The following ATRN variants were observed in gnomAD, a reference collection of about 807,000 sequenced individuals.
ATRN encodes attractin-2.
Under a neutral mutation model 178.7 loss-of-function variants are expected in ATRN, and 54 were observed. The ratio of observed to expected loss-of-function variants is 0.30; its 90% CI spans 0.24 to 0.38. The LOEUF is 0.38. ATRN is among the 10% of genes least tolerant of loss of function. ATRN has a pLI of 1.00. For synonymous variants in ATRN, 636 were observed against 663.0 expected, an observed-to-expected ratio of 0.96 and a Z score of 0.63; for missense variants, 1,443 against 1,815.1, an observed-to-expected ratio of 0.79 and a Z score of 3.73.
chr20:3,623,347 G>A (rs967525674), intron 24 of ATRN, among the ~76,000 whole-genome samples: 2 of 152,162 alleles, frequency 1.3e-5, no homozygotes, highest in African/African-American at 4.8e-5. Flanking sequence ...GATTATAAAT[G>A]GTAGCCAGAG....
At chr20:3,627,969 G>A (rs1222905927) in intron 25 of ATRN, among the ~76,000 whole-genome samples, 6 of 152,110 alleles carry the variant, frequency 3.9e-5, no homozygotes, top group East Asian at 1.9e-4. Flanking sequence ...TCAGGAGATC[G>A]AGACCATCCT....
At chr20:3,601,098 A>T (rs2086601827) in intron 23 of ATRN, 74 bp downstream of exon 23, 2 of 1,387,554 alleles carry the variant, frequency 1.4e-6, no homozygotes, top group Admixed American at 3.6e-5. Context: ...GGAATTGAGA[A>T]AGCGAGCTCA....
intron 1 of ATRN, among the ~76,000 whole-genome samples, chr20:3,476,577 G>C (rs1407391410): frequency 2.0e-5 from 3 of 152,228 alleles, no homozygotes; most frequent in Non-Finnish European, 4.4e-5. Flanking sequence ...GAAAATTCTT[G>C]CCTGGGCGCA....
At chr20:3,533,390 A>T (rs1198345213) in intron 1 of ATRN, among the ~76,000 whole-genome samples, 1 of 152,174 alleles carries the variant, frequency 6.6e-6, no homozygotes, top group Admixed American at 6.5e-5. Context: ...TGGGTACATG[A>T]TCATCTGGGA....
intron 24 of ATRN, among the ~76,000 whole-genome samples, chr20:3,610,931 A>G (rs1290336060): frequency 9.2e-5 from 14 of 151,984 alleles, no homozygotes; most frequent in Admixed American, 9.2e-4. Flanking sequence ...TGCAAAGGCA[A>G]TTCAATGAAG....
intron 23 of ATRN, among the ~76,000 whole-genome samples, chr20:3,601,668 G>A (rs942520227): frequency 4.3e-5 from 6 of 139,796 alleles, no homozygotes; most frequent in African/African-American, 1.6e-4. Flanking sequence ...TTTAAGACCA[G>A]CCTGGGCAAC....
chr20:3,599,395 G>C (rs1352357978), intron 22 of ATRN, among the ~76,000 whole-genome samples: 1 of 152,158 alleles, frequency 6.6e-6, no homozygotes, highest in East Asian at 1.9e-4. Context: ...AAGCAACCAT[G>C]AAAGTATTTG....
intron 2 of ATRN, among the ~76,000 whole-genome samples, chr20:3,539,883 A>G (rs2085594281): frequency 6.6e-6 from 1 of 152,138 alleles, no homozygotes; most frequent in African/African-American, 2.4e-5. Flanking sequence ...ATTGGCAGGC[A>G]TGTTTATGAA....
At chr20:3,618,900 A>G (rs1406716478) in intron 24 of ATRN, among the ~76,000 whole-genome samples, 1 of 152,198 alleles carries the variant, frequency 6.6e-6, no homozygotes, top group Non-Finnish European at 1.5e-5. Context: ...AGCCAAACTC[A>G]AGGAGGTGAC....
chr20:3,620,254 T>C (rs2146311623), intron 24 of ATRN, among the ~76,000 whole-genome samples: 1 of 151,584 alleles, frequency 6.6e-6, no homozygotes, highest in South Asian at 2.1e-4. Flanking sequence ...TGTTTTGTTT[T>C]GTTTTGTTTT....
chr20:3,592,608 A>G (rs945103282), intron 19 of ATRN: 3 of 501,690 alleles, frequency 6.0e-6, no homozygotes, highest in Non-Finnish European at 7.5e-6. Context: ...AGGAAAAGTA[A>G]ACAACATAGG....
In ATRN at chr20:3,582,292, C is replaced by A. The variant is rs1268953293; in HGVS notation, c.2702C>A (p.Thr901Asn). 3 of 1,612,762 alleles carry A rather than the reference C, an allele frequency of 1.9e-6. No homozygotes were observed. The South Asian group carries it at 3.3e-5, about 18-fold the overall frequency. ...GFCGILSEPS[T>N]RGLKAATCIN... ...TGTGGAATTTTATCAGAACCCAGTA[C>A]TCGGGGACTGAAGGCTGCAACCTGC... The change falls in exon 16 of 29, where the codon ACT (threonine) becomes AAT (asparagine). Residue 901 changes from threonine (T) to asparagine (N), a missense_variant. Thr to Asn is a moderately conservative substitution (Grantham distance 65). This residue lies in a region of ATRN where 212 missense variants were observed against 330.7 expected (regional missense o/e 0.64). Transcript: ENST00000262919.
At chr20:3,492,873 A>ACT (rs2084820847) in intron 1 of ATRN, among the ~76,000 whole-genome samples, 1 of 121,790 alleles carries the variant, frequency 8.2e-6, no homozygotes, top group Admixed American at 8.0e-5. Flanking sequence ...GCGCGTGCGC[A>ACT]CGCACACACA....
chr20:3,508,716 A>G (rs567693154), intron 1 of ATRN, among the ~76,000 whole-genome samples: 2 of 152,336 alleles, frequency 1.3e-5, no homozygotes, highest in South Asian at 4.1e-4. Flanking sequence ...AGTGGAAAGA[A>G]TAAAGTGTGG....
At chr20:3,642,302 C>T (rs1234017072) in intron 27 of ATRN, among the ~76,000 whole-genome samples, 1 of 152,218 alleles carries the variant, frequency 6.6e-6, no homozygotes, top group Non-Finnish European at 1.5e-5. Flanking sequence ...CTCAGTGTCC[C>T]CACTTGGATA....
Position 3,471,083 on chromosome 20 carries a change from G to T in ATRN, c.-25G>T, listed in dbSNP as rs1365006204. On this transcript the variant is annotated 5_prime_UTR_variant, in exon 1 of 29. Transcript: ENST00000262919. ...GTGCGGTGTGTGTGTATGTGTTCGC[G>T]GGGCGCCGTCTCAGCCCCGGGAAGA... 6 of 1,506,154 alleles carry T rather than the reference G, an allele frequency of 4.0e-6. No homozygotes were observed. The highest frequency in any genetic ancestry group is 2.9e-5 in the African/African-American group (2 of 69,522). 93.3% of individuals were successfully genotyped at this position (1,506,154 alleles called of 1,614,324 possible). A position where few individuals can be genotyped will look rare whatever the true frequency, so the allele number is the denominator to read the frequency against.
chr20:3,482,795 C>G lies in ATRN; in HGVS notation c.410+11278C>G, dbSNP rs2084639860. On this transcript the variant is annotated intron_variant, in intron 1 of 28. Transcript: ENST00000262919. ...ACTCTTTGAGAAACACTGACCAATA[C>G]TGACAAAATGTATAACTCATTTTTT... Among the ~76,000 whole-genome samples the G allele has an allele frequency of 3.3e-5, 5 of 152,296 alleles. No homozygotes were observed. The South Asian group carries it at 1.0e-3, about 32-fold the overall frequency.
chr20:3,486,400 C>CTTTTTA (rs1027925249), intron 1 of ATRN, among the ~76,000 whole-genome samples: 2 of 151,380 alleles, frequency 1.3e-5, no homozygotes, highest in East Asian at 1.9e-4. Flanking sequence ...TCTTTTTTTC[C>CTTTTTA]TTTTTATTTT....
intron 3 of ATRN, among the ~76,000 whole-genome samples, chr20:3,541,438 G>A (rs187673988): frequency 6.6e-6 from 1 of 150,934 alleles, no homozygotes; most frequent in Non-Finnish European, 1.5e-5. Context: ...TGAGAAATGT[G>A]TTATTAGATG....
Sources: allele counts gnomAD v4.1 joint callset (sites outside exome capture counted in the v4.1 genomes callset), GRCh38; gene constraint gnomAD v4.1.1; regional missense constraint gnomAD v4.1.1; transcripts MANE v1.5; gene names NCBI Gene and HGNC (gene_info 2026-07-23, HGNC 2026-07-21).